Variants in C12orf42 observed in about 807,000 individuals in gnomAD.
The protein encoded by C12orf42 is chromosome 12 open reading frame 42.
C12orf42 carries 25 observed loss-of-function variants against 21.6 expected under a neutral mutation model. The ratio of observed to expected loss-of-function variants is 1.16; its 90% CI spans 0.84 to 1.62. C12orf42 has a LOEUF of 1.62. Ranked by LOEUF, C12orf42 falls within the 40% of genes most tolerant of loss-of-function variation. The probability of loss-of-function intolerance (pLI) is 0.00; values close to 1 mark genes in which losing one functional copy is unlikely to be tolerated. For synonymous variants in C12orf42, 174 were observed against 175.0 expected, an observed-to-expected ratio of 0.99 and a Z score of 0.05; for missense variants, 483 against 459.3, an observed-to-expected ratio of 1.05 and a Z score of -0.47.
the C12orf42 span, among the ~76,000 whole-genome samples, chr12:103,209,810 C>T: frequency 1.3e-5 from 2 of 152,184 alleles, no homozygotes; most frequent in East Asian, 3.8e-4. Context: ...CTATTCAGTA[C>T]CCACACGTCT....
At chr12:103,054,320 A>G in the C12orf42 span, among the ~76,000 whole-genome samples, 1 of 151,842 alleles carries the variant, frequency 6.6e-6, no homozygotes, top group Non-Finnish European at 1.5e-5. Flanking sequence ...TTCATCCTTA[A>G]GTATTTCAAT....
chr12:103,183,238 T>C, the C12orf42 span, among the ~76,000 whole-genome samples: 1 of 152,182 alleles, frequency 6.6e-6, no homozygotes, highest in Non-Finnish European at 1.5e-5. Flanking sequence ...CATGCCACCA[T>C]GTCCAGCTAA....
chr12:103,303,573 C>T (rs79402569), intron 5 of C12orf42, among the ~76,000 whole-genome samples: 5,208 of 152,132 alleles, frequency 0.034, 282 homozygotes, highest in African/African-American at 0.12. Context: ...ATTCAAAAAA[C>T]ACATAAAATA....
chr12:103,541,722 A>G, the C12orf42 span, among the ~76,000 whole-genome samples: 9 of 151,980 alleles, frequency 5.9e-5, no homozygotes, highest in South Asian at 1.9e-3. Flanking sequence ...CATGTTTACC[A>G]TGTCTCTTGA....
At chr12:103,283,331 A>G (rs2036246770) in intron 4 of C12orf42, among the ~76,000 whole-genome samples, 1 of 152,164 alleles carries the variant, frequency 6.6e-6, no homozygotes, top group Non-Finnish European at 1.5e-5. Flanking sequence ...ACTTCTCTGG[A>G]CCACAGTGCA....
At chr12:103,307,624 T>C (rs999080651) in intron 4 of C12orf42, among the ~76,000 whole-genome samples, 4 of 152,158 alleles carry the variant, frequency 2.6e-5, no homozygotes, top group African/African-American at 9.7e-5. Context: ...TTTAAAGATA[T>C]ATCTAAGAAG....
intron 2 of C12orf42, among the ~76,000 whole-genome samples, chr12:103,429,427 T>C (rs908800817): frequency 6.6e-6 from 1 of 152,134 alleles, no homozygotes; most frequent in Admixed American, 6.6e-5. Flanking sequence ...GTGAAGGACC[T>C]CTTCAAGGAG....
the C12orf42 span, among the ~76,000 whole-genome samples, chr12:103,196,104 G>A: frequency 6.6e-6 from 1 of 152,104 alleles, no homozygotes; most frequent in African/African-American, 2.4e-5. Flanking sequence ...TGTGTTAGCA[G>A]TATCCCAAAT....
chr12:103,387,368 C>T (rs911201905), intron 3 of C12orf42, among the ~76,000 whole-genome samples: 2 of 152,214 alleles, frequency 1.3e-5, no homozygotes, highest in African/African-American at 4.8e-5. Context: ...TTAAAAGTTA[C>T]CACCCTACAC....
the C12orf42 span, among the ~76,000 whole-genome samples, chr12:103,142,187 T>C: frequency 8.5e-5 from 13 of 152,344 alleles, no homozygotes; most frequent in African/African-American, 3.1e-4. Flanking sequence ...TTGATGTTAT[T>C]TTGAAGTTGT....
At chr12:103,205,877 A>G in the C12orf42 span, among the ~76,000 whole-genome samples, 1 of 152,222 alleles carries the variant, frequency 6.6e-6, no homozygotes, top group Non-Finnish European at 1.5e-5. Flanking sequence ...TAAAACATAC[A>G]TAAGAGGCAT....
intron 3 of C12orf42, among the ~76,000 whole-genome samples, chr12:103,369,493 T>C (rs981052165): frequency 6.6e-6 from 1 of 151,740 alleles, no homozygotes; most frequent in Non-Finnish European, 1.5e-5. Context: ...CAGGCTCAGA[T>C]GGAGTAGCCA....
intron 3 of C12orf42, among the ~76,000 whole-genome samples, chr12:103,401,306 G>GGGT (rs1300914396): frequency 1.3e-5 from 2 of 152,124 alleles, no homozygotes; most frequent in Non-Finnish European, 2.9e-5. Flanking sequence ...CCACATACAG[G>GGGT]CACTGCAAAG....
intron 2 of C12orf42, among the ~76,000 whole-genome samples, chr12:103,444,279 G>A (rs547347534): frequency 5.3e-5 from 8 of 152,090 alleles, no homozygotes; most frequent in African/African-American, 1.9e-4. Context: ...TGAGCCCCAC[G>A]TGGGATTCAT....
the C12orf42 span, among the ~76,000 whole-genome samples, chr12:103,060,595 C>T: frequency 6.6e-6 from 1 of 152,140 alleles, no homozygotes; most frequent in African/African-American, 2.4e-5. Context: ...GCTACAGTAA[C>T]CAAAACAGCA....
intron 4 of C12orf42, among the ~76,000 whole-genome samples, chr12:103,364,083 C>T (rs1354512552): frequency 6.6e-6 from 1 of 152,048 alleles, no homozygotes; most frequent in East Asian, 1.9e-4. Context: ...CAAGATAGAC[C>T]ATGTGATAGG....
intron 4 of C12orf42, among the ~76,000 whole-genome samples, chr12:103,311,066 A>G (rs1261838032): frequency 6.6e-6 from 1 of 152,154 alleles, no homozygotes. Context: ...ACCAACTTCA[A>G]TATCCACCTT....
chr12:103,423,768 A>G (rs1303167882), intron 2 of C12orf42, among the ~76,000 whole-genome samples: 2 of 152,212 alleles, frequency 1.3e-5, no homozygotes, highest in Non-Finnish European at 2.9e-5. Flanking sequence ...GCATGCCTCT[A>G]GTTAAAATTT....
At chr12:103,134,120 T>C in the C12orf42 span, among the ~76,000 whole-genome samples, 2 of 152,156 alleles carry the variant, frequency 1.3e-5, no homozygotes, top group Non-Finnish European at 2.9e-5. Flanking sequence ...TTCTTGCCCA[T>C]GAAGACAAAT....
Sources: gnomAD v4.1 joint callset for allele counts (sites outside exome capture counted in the v4.1 genomes callset) on GRCh38, gnomAD v4.1.1 for gene constraint, MANE v1.5 for transcripts, NCBI Gene and HGNC (gene_info 2026-07-23, HGNC 2026-07-21) for gene names.